MFHAS1: variants seen among roughly 807,000 people sequenced by gnomAD.
The protein encoded by MFHAS1 is multifunctional ROCO family signaling regulator 1.
MFHAS1 carries 50 observed loss-of-function variants against 70.4 expected under a neutral mutation model. That is an observed-to-expected ratio of 0.71 (90% confidence interval 0.57 to 0.90). The LOEUF (loss-of-function observed/expected upper bound fraction) is 0.90. Among genes scored for constraint, MFHAS1 ranks in the 40% least tolerant of loss-of-function variants. The pLI is 0.00. For missense variants in MFHAS1, 1,795 were observed against 1,347.6 expected, an observed-to-expected ratio of 1.33 and a Z score of -5.20; for synonymous variants, 952 against 620.0, an observed-to-expected ratio of 1.54 and a Z score of -7.96.
rs530366574 is a variant in MFHAS1, at chr8:8,835,148, T to G, written c.2999-37657A>C. ...AAGCAGATGAGTGGTTGTTCGAGGG[T>G]GAGCATTAGGGGAGTGAGGGTACAT... On this transcript the variant is annotated intron_variant, in intron 1 of 2. Transcript: ENST00000276282. 4.0e-5 allele frequency among the ~76,000 whole-genome samples: 6 copies of G among 151,644 alleles called. No individual in the cohort carries two copies. The South Asian group carries it at 1.3e-3, about 32-fold the overall frequency.
intron 1 of MFHAS1, among the ~76,000 whole-genome samples, chr8:8,860,610 A>C (rs1006964531): frequency 6.6e-6 from 1 of 152,160 alleles, no homozygotes; most frequent in African/African-American, 2.4e-5. Context: ...AGCAAACAGG[A>C]GGCTTAAGGA....
intron 1 of MFHAS1, among the ~76,000 whole-genome samples, chr8:8,819,327 C>T (rs995588322): frequency 3.3e-5 from 5 of 152,112 alleles, no homozygotes; most frequent in African/African-American, 1.2e-4. Context: ...AAGAATTGGC[C>T]GGGTGCGGTG....
chr8:8,840,842 A>G (rs940459179), intron 1 of MFHAS1, among the ~76,000 whole-genome samples: 22 of 152,336 alleles, frequency 1.4e-4, no homozygotes, highest in South Asian at 1.0e-3. Context: ...AAGATGGTGT[A>G]GAAGGTACCA....
chr8:8,868,086 G>A (rs138822794), intron 1 of MFHAS1, among the ~76,000 whole-genome samples: 89 of 152,034 alleles, frequency 5.9e-4, no homozygotes, highest in African/African-American at 1.9e-3. Flanking sequence ...GTGGTATAGC[G>A]CACAAACCTG....
intron 1 of MFHAS1, among the ~76,000 whole-genome samples, chr8:8,819,632 T>C (rs1283535755): frequency 2.1e-5 from 3 of 142,050 alleles, no homozygotes; most frequent in Admixed American, 6.9e-5. Flanking sequence ...AAAAAGAATA[T>C]CCAAGAATCT....
At chr8:8,839,829 TCTCATTTCACATAGTATTA>T (rs1380639017) in intron 1 of MFHAS1, among the ~76,000 whole-genome samples, 2 of 152,008 alleles carry the variant, frequency 1.3e-5, no homozygotes, top group Non-Finnish European at 2.9e-5. Flanking sequence ...ACAAAGAATA[TCTCATTTCACATAGTATTA>T]CAGTGGAAGA....
chr8:8,819,471 G>A (rs1347569086), intron 1 of MFHAS1, among the ~76,000 whole-genome samples: 1 of 152,080 alleles, frequency 6.6e-6, no homozygotes, highest in Non-Finnish European at 1.5e-5. Context: ...CGGGCATGGT[G>A]GCGGGTGCCT....
At chr8:8,836,580 G>C (rs963464750) in intron 1 of MFHAS1, among the ~76,000 whole-genome samples, 1 of 152,054 alleles carries the variant, frequency 6.6e-6, no homozygotes, top group Admixed American at 6.6e-5. Context: ...GTCTTCCTAT[G>C]TTGCCCAGGT....
chr8:8,806,546 T>C (rs1806296390), intron 1 of MFHAS1, among the ~76,000 whole-genome samples: 1 of 152,230 alleles, frequency 6.6e-6, no homozygotes, highest in African/African-American at 2.4e-5. Flanking sequence ...TCTTTAAACT[T>C]ACTGTTCTCA....
intron 1 of MFHAS1, among the ~76,000 whole-genome samples, chr8:8,888,399 C>A (rs1355645373): frequency 1.3e-5 from 2 of 152,140 alleles, no homozygotes; most frequent in Admixed American, 1.3e-4. Context: ...CCCTCCGGGT[C>A]CCCTGGGGGT....
At chr8:8,791,150 T>G (rs2117246119) in intron 2 of MFHAS1, among the ~76,000 whole-genome samples, 1 of 149,938 alleles carries the variant, frequency 6.7e-6, no homozygotes, top group East Asian at 2.0e-4. Flanking sequence ...TTTTGCTAAT[T>G]CTGTTAACAC....
intron 1 of MFHAS1, among the ~76,000 whole-genome samples, chr8:8,861,465 C>G (rs1364375838): frequency 1.3e-5 from 2 of 152,156 alleles, no homozygotes; most frequent in Admixed American, 6.5e-5. Flanking sequence ...CCACAATATT[C>G]ATATACAAAG....
intron 1 of MFHAS1, among the ~76,000 whole-genome samples, chr8:8,857,104 A>G (rs1025849593): frequency 3.3e-5 from 5 of 152,196 alleles, no homozygotes; most frequent in Non-Finnish European, 7.3e-5. Context: ...AATTCTAAAA[A>G]GAGTCTTAGA....
intron 1 of MFHAS1, among the ~76,000 whole-genome samples, chr8:8,809,438 G>A (rs902635582): frequency 2.6e-5 from 4 of 151,952 alleles, no homozygotes; most frequent in Non-Finnish European, 5.9e-5. Flanking sequence ...AAGAAAATGT[G>A]CACAAGGACT....
At chr8:8,816,614 T>C (rs1370778235) in intron 1 of MFHAS1, among the ~76,000 whole-genome samples, 6 of 152,220 alleles carry the variant, frequency 3.9e-5, no homozygotes, top group African/African-American at 1.4e-4. Flanking sequence ...AAAAAAAGTA[T>C]ATTCTATGAG....
chr8:8,878,986 T>C lies in MFHAS1; in HGVS notation c.2998+11075A>G, dbSNP rs146991073. Among the ~76,000 whole-genome samples the C allele has an allele frequency of 2.7e-3, 412 of 152,326 alleles. 5 individuals carry two copies. Among genetic ancestry groups the C allele is most frequent in the African/African-American group, 9.6e-3 (401 of 41,572 alleles). ...TTGGAGTCAGCATTCATATAGTCTT[T>C]GGTGTTCAGAAATGACTGATGATTT... On this transcript the variant is annotated intron_variant, in intron 1 of 2. Transcript: ENST00000276282.
intron 1 of MFHAS1, among the ~76,000 whole-genome samples, chr8:8,812,280 G>A (rs1585028922): frequency 6.6e-6 from 1 of 152,136 alleles, no homozygotes; most frequent in Non-Finnish European, 1.5e-5. Flanking sequence ...GGGGTGTGGG[G>A]TAGGGGGAGA....
Position 8,785,129 on chromosome 8 carries a change from T to C in MFHAS1, c.*893A>G, listed in dbSNP as rs1805492107. The C allele has an allele frequency of 6.6e-6, 1 of 152,214 alleles. No individual in the cohort carries two copies. The highest frequency in any genetic ancestry group is 2.4e-5 in the African/African-American group (1 of 41,456). 9.4% of individuals were successfully genotyped at this position (152,214 alleles called of 1,614,324 possible). On this transcript the variant is annotated 3_prime_UTR_variant, in exon 3 of 3. Transcript: ENST00000276282. The stretch of plus-strand genomic sequence containing the variant: ...AAGATTCAGAACTGACTCCTGATTA[T>C]CTTAAGCCATTAAAAGACTCAAGTT...
intron 1 of MFHAS1, among the ~76,000 whole-genome samples, chr8:8,864,859 A>T (rs1808797752): frequency 6.6e-6 from 1 of 152,194 alleles, no homozygotes; most frequent in South Asian, 2.1e-4. Context: ...AAGTTATATA[A>T]CATGGTGCCG....
Sources: gnomAD v4.1 joint callset for allele counts (sites outside exome capture counted in the v4.1 genomes callset) on GRCh38, gnomAD v4.1.1 for gene constraint, MANE v1.5 for transcripts, NCBI Gene and HGNC (gene_info 2026-07-23, HGNC 2026-07-21) for gene names.